The following RUFY3 variants were observed in gnomAD, a reference collection of about 807,000 sequenced individuals.
RUFY3 encodes the protein RUN and FYVE domain containing 3.
Under a neutral mutation model 84.0 loss-of-function variants are expected in RUFY3, and 34 were observed. The observed-to-expected ratio is 0.40, with a 90% CI of 0.31 to 0.54. The LOEUF (loss-of-function observed/expected upper bound fraction) is 0.54. Among genes scored for constraint, RUFY3 ranks in the 20% least tolerant of loss-of-function variants. The pLI is 0.39. For missense variants in RUFY3, 507 were observed against 736.8 expected (o/e 0.69, Z 3.61); for synonymous variants, 242 against 252.9 (o/e 0.96, Z 0.41).
intron 1 of RUFY3, among the ~76,000 whole-genome samples, chr4:70,758,690 A>G (rs1724457734): frequency 6.6e-6 from 1 of 152,100 alleles, no homozygotes; most frequent in Non-Finnish European, 1.5e-5. Flanking sequence ...ACACTTATTT[A>G]TTAATTTTGG....
intron 1 of RUFY3, among the ~76,000 whole-genome samples, chr4:70,744,284 G>A (rs932764092): frequency 1.3e-5 from 2 of 149,874 alleles, no homozygotes; most frequent in South Asian, 2.1e-4. Flanking sequence ...CTGCAGCCTC[G>A]AACTCCCAGG....
At position 70,722,414 on chromosome 4, in the gene RUFY3, C is replaced by CTTT; in HGVS notation, c.-148_-146dup. On this transcript the variant is annotated 5_prime_UTR_variant, in exon 1 of 18. Transcript: ENST00000381006. ...GTTCTTAACCTATAAGGTATTTTTC[C>CTTT]TTTTTTTTTTTTTTAAACCTCCCCC... 2 of 1,227,922 alleles carry CTTT rather than the reference C, an allele frequency of 1.6e-6. No individual in the cohort carries two copies. The highest frequency in any genetic ancestry group is 2.1e-6 in the Non-Finnish European group (2 of 963,980). The allele number at this position is 1,227,922 out of a possible 1,614,324, so 76.1% of individuals were successfully genotyped here. A position where few individuals can be genotyped will look rare whatever the true frequency, so the allele number is the denominator to read the frequency against.
chr4:70,779,443 T>G (rs992103986), intron 8 of RUFY3, among the ~76,000 whole-genome samples: 3 of 152,226 alleles, frequency 2.0e-5, no homozygotes, highest in Non-Finnish European at 2.9e-5. Flanking sequence ...CATGTTTTAC[T>G]TCTAATAAAA....
intron 8 of RUFY3, among the ~76,000 whole-genome samples, chr4:70,782,667 C>A (rs563746046): frequency 6.6e-6 from 1 of 152,200 alleles, no homozygotes; most frequent in South Asian, 2.1e-4. Context: ...AATCCCAGCA[C>A]TTTGGGAGGC....
intron 1 of RUFY3, among the ~76,000 whole-genome samples, chr4:70,734,950 A>AT (rs1309118412): frequency 6.6e-6 from 1 of 152,246 alleles, no homozygotes; most frequent in Non-Finnish European, 1.5e-5. Context: ...CAGAACTCAC[A>AT]TTAACTCTTC....
At chr4:70,726,400 T>C (rs1379061666) in intron 1 of RUFY3, among the ~76,000 whole-genome samples, 1 of 152,190 alleles carries the variant, frequency 6.6e-6, no homozygotes, top group African/African-American at 2.4e-5. Flanking sequence ...TTCGCTCTTA[T>C]TGCCCAGGCT....
intron 7 of RUFY3, among the ~76,000 whole-genome samples, chr4:70,777,851 C>T (rs1207402215): frequency 1.3e-5 from 2 of 152,136 alleles, no homozygotes; most frequent in Non-Finnish European, 2.9e-5. Flanking sequence ...AGGGAATGAA[C>T]TCTTTTATTT....
intron 14 of RUFY3, 27 bp from the exon 15 acceptor site, chr4:70,800,114 A>C: frequency 6.3e-7 from 1 of 1,594,830 alleles, no homozygotes; most frequent in Non-Finnish European, 8.5e-7. Context: ...TGAATAATTA[A>C]TAAATTGGGC....
At chr4:70,789,112 C>T (rs1331146735) in intron 11 of RUFY3, 139 bp downstream of exon 11, 2 of 1,414,216 alleles carry the variant, frequency 1.4e-6, no homozygotes, top group Non-Finnish European at 1.9e-6. Flanking sequence ...TGCCAGTAAA[C>T]TACTTTCAGA....
At chr4:70,774,614 C>CA (rs1172638290) in intron 6 of RUFY3, among the ~76,000 whole-genome samples, 376 of 22,086 alleles carry the variant, frequency 0.017, 69 homozygotes, top group East Asian at 0.02. Context: ...GACTCTGCCT[C>CA]AAAAAAAAAA....
chr4:70,776,101 T>G (rs1250092687), intron 7 of RUFY3, among the ~76,000 whole-genome samples: 1 of 152,194 alleles, frequency 6.6e-6, no homozygotes, highest in East Asian at 1.9e-4. Flanking sequence ...TAGTTCCCCC[T>G]TATGTGGAGG....
At chr4:70,799,144 CAA>C (rs547398917) in intron 14 of RUFY3, among the ~76,000 whole-genome samples, 11 of 64,116 alleles carry the variant, frequency 1.7e-4, no homozygotes, top group Admixed American at 5.5e-4. Context: ...GACTCCGTCT[CAA>C]AAAAAAAAAA....
intron 5 of RUFY3, among the ~76,000 whole-genome samples, chr4:70,769,313 G>A (rs2148725223): frequency 6.6e-6 from 1 of 152,218 alleles, no homozygotes; most frequent in African/African-American, 2.4e-5. Context: ...GTGAGACCCT[G>A]TCTCAAAATA....
At position 70,789,629 on chromosome 4, in the gene RUFY3, T is replaced by G. The variant is rs749246648; in HGVS notation, c.1337+37T>G. 8.1e-6 allele frequency: 13 copies of G among 1,603,198 alleles called. No individual in the cohort carries two copies. Among genetic ancestry groups the G allele is most frequent in the Non-Finnish European group, 5.1e-6 (6 of 1,175,014 alleles). On this transcript the variant is annotated intron_variant, in intron 12 of 17. Coordinates refer to ENST00000381006, the MANE Select transcript of RUFY3 (RefSeq NM_001037442.4). ...GTTTCTTTAATGAAACACTTTGGAT[T>G]GTCAGTGCTGAAGTGAAAAGAATGT...
At chr4:70,750,123 C>G (rs1197354327) in intron 1 of RUFY3, among the ~76,000 whole-genome samples, 1 of 152,052 alleles carries the variant, frequency 6.6e-6, no homozygotes, top group Non-Finnish European at 1.5e-5. Context: ...ACCTTCCTGC[C>G]TTACCTCAGC....
At chr4:70,759,815 G>A (rs1211263822) in intron 1 of RUFY3, among the ~76,000 whole-genome samples, 1 of 152,144 alleles carries the variant, frequency 6.6e-6, no homozygotes, top group African/African-American at 2.4e-5. Flanking sequence ...AGTTCTCAAT[G>A]TGGAAGGACC....
intron 1 of RUFY3, among the ~76,000 whole-genome samples, chr4:70,754,211 C>T (rs1337137431): frequency 2.0e-5 from 3 of 152,128 alleles, no homozygotes; most frequent in Non-Finnish European, 2.9e-5. Context: ...TGGCACCACA[C>T]CCAGCTAACT....
chr4:70,716,552 C>T (rs1741647660), intron 1 of RUFY3, among the ~76,000 whole-genome samples: 1 of 151,980 alleles, frequency 6.6e-6, no homozygotes, highest in South Asian at 2.1e-4. Flanking sequence ...TTAGAAAATA[C>T]AGCATTGAAG....
intron 14 of RUFY3, among the ~76,000 whole-genome samples, chr4:70,797,322 A>G (rs533732225): frequency 9.2e-5 from 14 of 152,288 alleles, no homozygotes; most frequent in Middle Eastern, 6.8e-3. Flanking sequence ...AAATAAGTTA[A>G]TACAAGTTTA....
Sources: gnomAD v4.1 joint callset for allele counts (sites outside exome capture counted in the v4.1 genomes callset) on GRCh38, gnomAD v4.1.1 for gene constraint, MANE v1.5 for transcripts, NCBI Gene and HGNC (gene_info 2026-07-23, HGNC 2026-07-21) for gene names.